GPC5: variants seen among roughly 807,000 people sequenced by gnomAD.
GPC5 encodes the protein glypican 5.
Under a neutral mutation model 53.9 loss-of-function variants are expected in GPC5, and 47 were observed. The ratio of observed to expected loss-of-function variants is 0.87; its 90% CI spans 0.69 to 1.11. GPC5 has a LOEUF of 1.11. Ranked by LOEUF, GPC5 falls within the 50% of genes most tolerant of loss-of-function variation. The pLI, the probability that GPC5 is intolerant of heterozygous loss-of-function variation, is 0.00. For synonymous variants in GPC5, 286 were observed against 263.3 expected (o/e 1.09, Z -0.84); for missense variants, 748 against 713.1 (o/e 1.05, Z -0.56).
intron 7 of GPC5, among the ~76,000 whole-genome samples, chr13:92,248,611 CTAT>C (rs2042669879): frequency 6.6e-6 from 1 of 152,144 alleles, no homozygotes; most frequent in African/African-American, 2.4e-5. Context: ...AATTAAACAA[CTAT>C]TATTTCTCCA....
intron 7 of GPC5, 34 bp from the exon 8 acceptor site, chr13:92,866,248 T>C (rs1029540292): frequency 1.9e-6 from 3 of 1,585,264 alleles, no homozygotes; most frequent in African/African-American, 1.3e-5. Flanking sequence ...GAAGTGGTCA[T>C]GCATCACCTG....
intron 7 of GPC5, among the ~76,000 whole-genome samples, chr13:92,428,834 A>G (rs1876956344): frequency 6.6e-6 from 1 of 152,124 alleles, no homozygotes; most frequent in African/African-American, 2.4e-5. Context: ...AAATCATGCT[A>G]TTAAACAAAA....
At chr13:92,047,108 T>G (rs1417408248) in intron 6 of GPC5, among the ~76,000 whole-genome samples, 1 of 152,196 alleles carries the variant, frequency 6.6e-6, no homozygotes, top group Non-Finnish European at 1.5e-5. Flanking sequence ...TCCTCTTGCC[T>G]CTTACCTTTT....
intron 7 of GPC5, among the ~76,000 whole-genome samples, chr13:92,667,466 A>G (rs551607429): frequency 2.9e-4 from 44 of 152,288 alleles, no homozygotes; most frequent in African/African-American, 9.4e-4. Context: ...ACAACCAAAC[A>G]GTATATTTGG....
chr13:91,866,803 C>T (rs948721648), intron 5 of GPC5, among the ~76,000 whole-genome samples: 19 of 152,198 alleles, frequency 1.2e-4, no homozygotes, highest in African/African-American at 4.6e-4. Flanking sequence ...CGGTTGCCTT[C>T]TATCTTTTCT....
At chr13:91,527,443 A>G (rs1295507224) in intron 2 of GPC5, among the ~76,000 whole-genome samples, 4 of 152,212 alleles carry the variant, frequency 2.6e-5, no homozygotes, top group African/African-American at 9.6e-5. Context: ...TTGGGCTCCC[A>G]AGGCCTTGGG....
At chr13:92,405,821 C>A (rs778245880) in intron 7 of GPC5, among the ~76,000 whole-genome samples, 1 of 152,072 alleles carries the variant, frequency 6.6e-6, no homozygotes, top group Non-Finnish European at 1.5e-5. Context: ...TGAAATCACA[C>A]GTTTATTGGA....
chr13:91,736,088 G>A (rs1366546969), intron 4 of GPC5, among the ~76,000 whole-genome samples: 1 of 151,172 alleles, frequency 6.6e-6, no homozygotes, highest in Non-Finnish European at 1.5e-5. Context: ...ATATTTTCAA[G>A]GATGGGATAT....
At chr13:92,334,855 A>G (rs892551921) in intron 7 of GPC5, among the ~76,000 whole-genome samples, 17 of 152,160 alleles carry the variant, frequency 1.1e-4, no homozygotes, top group Admixed American at 6.5e-4. Context: ...CTGATGCAAA[A>G]GGTGGGTTCC....
chr13:92,049,236 A>C (rs576342864), intron 6 of GPC5, among the ~76,000 whole-genome samples: 1 of 152,294 alleles, frequency 6.6e-6, no homozygotes, highest in Admixed American at 6.5e-5. Flanking sequence ...AGCTGATTAA[A>C]TATATCTAAA....
intron 2 of GPC5, among the ~76,000 whole-genome samples, chr13:91,451,816 A>G (rs1230409088): frequency 6.6e-6 from 1 of 151,354 alleles, no homozygotes; most frequent in African/African-American, 2.4e-5. Context: ...CGGGGTTTCA[A>G]CATGTTGACC....
chr13:92,199,251 C>T (rs2042277920), intron 7 of GPC5, among the ~76,000 whole-genome samples: 1 of 152,170 alleles, frequency 6.6e-6, no homozygotes, highest in South Asian at 2.1e-4. Context: ...TGTTTTACTG[C>T]ACGGACCTGT....
intron 5 of GPC5, among the ~76,000 whole-genome samples, chr13:91,886,033 A>G (rs2039318083): frequency 6.6e-6 from 1 of 152,028 alleles, no homozygotes; most frequent in Admixed American, 6.6e-5. Context: ...ACCCCAAACC[A>G]GGGTTTGAGA....
chr13:92,228,582 A>T (rs1386122994), intron 7 of GPC5, among the ~76,000 whole-genome samples: 1 of 152,142 alleles, frequency 6.6e-6, no homozygotes, highest in Non-Finnish European at 1.5e-5. Context: ...CACTCAGTAG[A>T]GAAATAACTT....
chr13:92,845,173 CTA>C lies in GPC5; in HGVS notation c.1562-21107_1562-21106del, dbSNP rs145192513. Among the ~76,000 whole-genome samples, 358 of 152,078 alleles carry C rather than the reference CTA, an allele frequency of 2.4e-3. 2 individuals are homozygous for C. Among genetic ancestry groups the C allele is most frequent in the African/African-American group, 7.9e-3 (326 of 41,502 alleles). ...ATGCTTTATATGTGATACATTTATT[CTA>C]TGTTTCAGAAAATGCAAAACTGAGG... On this transcript the variant is annotated intron_variant, in intron 7 of 7. Transcript: ENST00000377067.
intron 7 of GPC5, among the ~76,000 whole-genome samples, chr13:92,719,220 G>T (rs1888432661): frequency 6.7e-6 from 1 of 150,082 alleles, no homozygotes; most frequent in Non-Finnish European, 1.5e-5. Context: ...AAGCTTATCT[G>T]ATTCCCAGGT....
At chr13:92,134,918 G>T (rs1368652723) in intron 6 of GPC5, among the ~76,000 whole-genome samples, 1 of 151,880 alleles carries the variant, frequency 6.6e-6, no homozygotes, top group African/African-American at 2.4e-5. Context: ...AAAAAATTGG[G>T]GTAGTATAAT....
At chr13:91,460,827 AATATTG>A (rs930819194) in intron 2 of GPC5, among the ~76,000 whole-genome samples, 1 of 152,046 alleles carries the variant, frequency 6.6e-6, no homozygotes, top group African/African-American at 2.4e-5. Context: ...CATCATCCAT[AATATTG>A]ATTTGGTAAA....
At chr13:92,001,672 A>G (rs1206107407) in intron 6 of GPC5, among the ~76,000 whole-genome samples, 4 of 152,338 alleles carry the variant, frequency 2.6e-5, no homozygotes, top group Non-Finnish European at 4.4e-5. Flanking sequence ...TTTAAATGTA[A>G]AAAGTATTGT....
Sources: gnomAD v4.1 joint callset for allele counts (sites outside exome capture counted in the v4.1 genomes callset) on GRCh38, gnomAD v4.1.1 for gene constraint, MANE v1.5 for transcripts, NCBI Gene and HGNC (gene_info 2026-07-23, HGNC 2026-07-21) for gene names.